The following SMAP1 variants were observed in gnomAD, a reference collection of about 807,000 sequenced individuals.
The protein encoded by SMAP1 is stromal membrane-associated protein 1.
A neutral mutation model predicts 58.5 loss-of-function variants in SMAP1; 24 were observed. That is an observed-to-expected ratio of 0.41 (90% CI 0.30 to 0.58). SMAP1 has a LOEUF of 0.58. Among genes scored for constraint, SMAP1 ranks in the 20% least tolerant of loss-of-function variants. The pLI is 0.29. For missense variants in SMAP1, 563 were observed against 566.3 expected, an observed-to-expected ratio of 0.99 and a Z score of 0.06; for synonymous variants, 216 against 196.6, an observed-to-expected ratio of 1.10 and a Z score of -0.82.
At chr6:70,727,628 G>T (rs1765238878) in intron 1 of SMAP1, among the ~76,000 whole-genome samples, 1 of 152,190 alleles carries the variant, frequency 6.6e-6, no homozygotes, top group African/African-American at 2.4e-5. Flanking sequence ...GATAACTGGT[G>T]ATTTAAATTG....
chr6:70,770,533 G>A (rs932577060), intron 3 of SMAP1, among the ~76,000 whole-genome samples: 3 of 152,088 alleles, frequency 2.0e-5, no homozygotes, highest in Non-Finnish European at 4.4e-5. Context: ...TCTTCCAGTT[G>A]ATTGCATCGG....
intron 3 of SMAP1, among the ~76,000 whole-genome samples, chr6:70,762,329 T>C (rs935488896): frequency 7.2e-5 from 11 of 152,142 alleles, no homozygotes; most frequent in African/African-American, 2.4e-4. Context: ...TGGAGAGCTA[T>C]GAAGGGACAG....
intron 1 of SMAP1, among the ~76,000 whole-genome samples, chr6:70,732,096 T>C (rs898275079): frequency 6.6e-6 from 1 of 152,220 alleles, no homozygotes; most frequent in Non-Finnish European, 1.5e-5. Flanking sequence ...GATTCAAATA[T>C]GCTAAGTGAA....
chr6:70,725,699 T>C (rs1393809950), intron 1 of SMAP1, among the ~76,000 whole-genome samples: 12 of 152,252 alleles, frequency 7.9e-5, no homozygotes, highest in Admixed American at 7.9e-4. Flanking sequence ...CAGTTGATTT[T>C]GCCCTCCTCT....
At chr6:70,723,671 T>C (rs1768632616) in intron 1 of SMAP1, among the ~76,000 whole-genome samples, 1 of 152,162 alleles carries the variant, frequency 6.6e-6, no homozygotes, top group Non-Finnish European at 1.5e-5. Context: ...ATGGCTGGAG[T>C]TTATCTGTTT....
intron 4 of SMAP1, among the ~76,000 whole-genome samples, chr6:70,785,426 A>C (rs892085206): frequency 1.3e-5 from 2 of 152,222 alleles, no homozygotes; most frequent in Non-Finnish European, 2.9e-5. Flanking sequence ...TTCAAAAGCT[A>C]GCAGAGGCAA....
intron 4 of SMAP1, among the ~76,000 whole-genome samples, chr6:70,780,248 T>C (rs961932155): frequency 4.6e-5 from 7 of 152,286 alleles, no homozygotes; most frequent in Admixed American, 4.6e-4. Flanking sequence ...CTGATTTCAT[T>C]GAGTGATGGG....
At chr6:70,720,261 A>G (rs1313281858) in intron 1 of SMAP1, among the ~76,000 whole-genome samples, 1 of 152,112 alleles carries the variant, frequency 6.6e-6, no homozygotes, top group East Asian at 1.9e-4. Flanking sequence ...AGCCTCCAAA[A>G]TGATCTCCAT....
intron 2 of SMAP1, among the ~76,000 whole-genome samples, chr6:70,741,881 A>G (rs530449915): frequency 6.6e-6 from 1 of 152,300 alleles, no homozygotes; most frequent in Admixed American, 6.5e-5. Context: ...GCTCAACACC[A>G]CAGGGAAGCT....
At chr6:70,675,213 T>G (rs781988) in intron 1 of SMAP1, among the ~76,000 whole-genome samples, 57,218 of 139,010 alleles carry the variant, frequency 0.41, 12,061 homozygotes, top group Non-Finnish European at 0.47. Context: ...TTTTTTTTTT[T>G]TTTTTTTTTT....
chr6:70,767,996 C>T (rs1158451798), intron 3 of SMAP1, among the ~76,000 whole-genome samples: 1 of 150,536 alleles, frequency 6.6e-6, no homozygotes, highest in Non-Finnish European at 1.5e-5. Flanking sequence ...TTTTCTGCAT[C>T]TATTGAGATA....
At chr6:70,835,707 A>G (rs562165067) in intron 6 of SMAP1, among the ~76,000 whole-genome samples, 4 of 152,116 alleles carry the variant, frequency 2.6e-5, no homozygotes, top group East Asian at 3.9e-4. Flanking sequence ...GACTCTTGCT[A>G]TGTTGCGCAG....
chr6:70,667,945 A>G lies in SMAP1; in HGVS notation c.-79A>G, dbSNP rs974239114. 3.9e-6 allele frequency: 5 copies of G among 1,270,374 alleles called. No individual in the cohort carries two copies. Among genetic ancestry groups the G allele is most frequent in the Non-Finnish European group, 5.4e-6 (5 of 918,918 alleles). 78.7% of individuals were successfully genotyped at this position (1,270,374 alleles called of 1,614,324 possible). The stretch of plus-strand genomic sequence containing the variant: ...GTCCGCCCGCGGTCCCGGCGGCGCC[A>G]GGTGCGTTCACTCTGCCCGGCTCCA... On this transcript the variant is annotated 5_prime_UTR_variant, in exon 1 of 11. Coordinates refer to ENST00000370455, the MANE Select transcript of SMAP1 (RefSeq NM_001044305.3).
intron 1 of SMAP1, among the ~76,000 whole-genome samples, chr6:70,708,381 CACTT>C (rs1767924809): frequency 6.6e-6 from 1 of 152,142 alleles, no homozygotes; most frequent in East Asian, 1.9e-4. Context: ...GATGGACAAA[CACTT>C]AGGTCATTTC....
At chr6:70,823,243 A>G (rs1284776551) in intron 6 of SMAP1, among the ~76,000 whole-genome samples, 3 of 152,194 alleles carry the variant, frequency 2.0e-5, no homozygotes, top group Non-Finnish European at 4.4e-5. Context: ...TCAGATAAAT[A>G]GGACTTTATT....
intron 2 of SMAP1, among the ~76,000 whole-genome samples, chr6:70,745,102 A>G (rs1765973325): frequency 6.6e-6 from 1 of 152,056 alleles, no homozygotes; most frequent in African/African-American, 2.4e-5. Context: ...GATTGCAGAA[A>G]TTTTCTCCCG....
At chr6:70,808,901 C>CCT (rs1562176839) in intron 6 of SMAP1, among the ~76,000 whole-genome samples, 1 of 71,494 alleles carries the variant, frequency 1.4e-5, no homozygotes, top group Non-Finnish European at 2.6e-5. Flanking sequence ...AGGCTGTTTC[C>CCT]CTGTGTGTGT....
chr6:70,766,272 G>A (rs963969232), intron 3 of SMAP1, among the ~76,000 whole-genome samples: 2 of 152,158 alleles, frequency 1.3e-5, no homozygotes, highest in Admixed American at 1.3e-4. Flanking sequence ...GTAATGGGAT[G>A]GCTGGGTCAA....
Position 70,852,542 on chromosome 6 carries a change from G to A in SMAP1, c.667G>A (p.Gly223Ser), listed in dbSNP as rs748894950. 1.2e-5 allele frequency: 19 copies of A among 1,573,666 alleles called. 2 individuals carry two copies. The highest frequency in any genetic ancestry group is 1.4e-5 in the Non-Finnish European group (16 of 1,162,422). The change falls in exon 8 of 11, where the codon GGC (glycine) becomes AGC (serine). Residue 223 changes from glycine (G) to serine (S), a missense_variant and splice_region_variant. Physicochemically the swap from Gly to Ser is moderately conservative, Grantham distance 56. Transcript: ENST00000370455. ...ACGAGAATCTATATTCTTTTCAGAT[G>A]GCCCTGCTGTGGCACCAGTGACCAA... ...EPTVDLLGLDGPAVAPVTNGN... is the reference protein window; with the variant it reads ...EPTVDLLGLDSPAVAPVTNGN...
Sources: allele counts gnomAD v4.1 joint callset (sites outside exome capture counted in the v4.1 genomes callset), GRCh38; gene constraint gnomAD v4.1.1; transcripts MANE v1.5; gene names NCBI Gene and HGNC (gene_info 2026-07-23, HGNC 2026-07-21).